Variants in CNTRL observed in about 807,000 individuals in gnomAD.
The protein encoded by CNTRL is 110 kDa centrosomal protein.
A neutral mutation model predicts 303.7 loss-of-function variants in CNTRL; 233 were observed. The observed-to-expected ratio is 0.77, with a 90% confidence interval of 0.69 to 0.86. The LOEUF (loss-of-function observed/expected upper bound fraction) is 0.86, where lower values mean the gene tolerates loss of function less well. Ranked by LOEUF, CNTRL falls within the 40% of genes least tolerant of loss-of-function variation. The pLI is 0.00. For synonymous variants in CNTRL, 900 were observed against 922.2 expected (o/e 0.98, Z 0.44); for missense variants, 2,524 against 2,650.6 (o/e 0.95, Z 1.05).
Position 121,113,612 on chromosome 9 carries a change from A to G in CNTRL, c.1233A>G (p.Val411=). The change falls in exon 10 of 44, where the codon GTA becomes GTG. Residue 411 remains valine, a synonymous_variant. Coordinates refer to ENST00000373855, the MANE Select transcript of CNTRL (RefSeq NM_007018.6). ...ATATTATTGACAGTGCTCAGGCAGTACAGATCAAGAAGATGGAGCCAGATG... is the reference window on the plus strand; with the variant it reads ...ATATTATTGACAGTGCTCAGGCAGTGCAGATCAAGAAGATGGAGCCAGATG... ...ESYIIDSAQA[V]QIKKMEPDEQ... 1.2e-6 allele frequency: 2 copies of G among 1,610,790 alleles called. No individual in the cohort carries two copies. The highest frequency in any genetic ancestry group is 8.5e-7 in the Non-Finnish European group (1 of 1,178,834).
intron 2 of CNTRL, among the ~76,000 whole-genome samples, chr9:121,083,372 A>G (rs188510416): frequency 1.3e-5 from 2 of 152,266 alleles, no homozygotes; most frequent in South Asian, 2.1e-4. Context: ...TTTCTATTTT[A>G]AAAACTTTTT....
In CNTRL at chr9:121,169,693, G is replaced by T; in HGVS notation, c.6153G>T (p.Met2051Ile). The change falls in exon 39 of 44, where the codon ATG (methionine) becomes ATT (isoleucine). Residue 2051 changes from methionine (M) to isoleucine (I), a missense_variant. Transcript: ENST00000373855. ...LLALQKEADS[M>I]RADFSLLRNQ... is the part of the protein sequence containing the mutation. ...CCCTCCAGAAAGAGGCAGATTCTAT[G>T]AGGGCAGACTTCAGCCTTCTGCGGA... 6.2e-7 allele frequency: 1 copy of T among 1,614,188 alleles called. No homozygotes were observed. The highest frequency in any genetic ancestry group is 1.1e-5 in the South Asian group (1 of 91,082).
At chr9:121,078,970 T>C (rs2048036060) in intron 1 of CNTRL, among the ~76,000 whole-genome samples, 1 of 152,170 alleles carries the variant, frequency 6.6e-6, no homozygotes, top group Admixed American at 6.5e-5. Flanking sequence ...CTTCATTATG[T>C]AGGCCTGATT....
In CNTRL at chr9:121,175,083, G is replaced by A; in HGVS notation, c.6813G>A (p.Glu2271=). The change falls in exon 43 of 44, where the codon GAG becomes GAA. Residue 2271 remains glutamate, a synonymous_variant. Transcript: ENST00000373855. ...TAATTAAAGGAAAGCGGCAGACAGAGGGCACTTTACACAGTTTGAGGAGAC... is the reference window on the plus strand; with the variant it reads ...TAATTAAAGGAAAGCGGCAGACAGAAGGCACTTTACACAGTTTGAGGAGAC... ...EVLIKGKRQT[E]GTLHSLRRQV... 6.2e-7 allele frequency: 1 copy of A among 1,613,954 alleles called. No homozygotes were observed. Among genetic ancestry groups the A allele is most frequent in the Non-Finnish European group, 8.5e-7 (1 of 1,179,984 alleles).
At chr9:121,159,791 A>G (rs974411615) in intron 31 of CNTRL, among the ~76,000 whole-genome samples, 4 of 152,040 alleles carry the variant, frequency 2.6e-5, no homozygotes, top group African/African-American at 9.7e-5. Context: ...CTAGGGCATG[A>G]AGGCCTAGCC....
intron 6 of CNTRL, 74 bp from the exon 7 acceptor site, chr9:121,098,312 G>A: frequency 8.6e-7 from 1 of 1,157,322 alleles, no homozygotes; most frequent in Non-Finnish European, 1.2e-6. Flanking sequence ...AAATTTCCTT[G>A]ATTTGTAACT....
At position 121,168,404 on chromosome 9, in the gene CNTRL, C is replaced by T. The variant is rs1365750813; in HGVS notation, c.6070+83C>T. The T allele has an allele frequency of 1.5e-5, 18 of 1,224,046 alleles. No individual in the cohort carries two copies. In the East Asian group the frequency reaches 1.7e-4, roughly 11 times the overall value. The allele number at this position is 1,224,046 out of a possible 1,614,324, so 75.8% of individuals were successfully genotyped here. On this transcript the variant is annotated intron_variant, in intron 38 of 43. Transcript: ENST00000373855. ...TCTTGCAAAAGTATTTAAAGAGATC[C>T]GGACCCCAGCCAGAGCCCAGGAGAG...
Position 121,138,699 on chromosome 9 carries a change from G to C in CNTRL, c.2337+20G>C. 6.2e-7 allele frequency: 1 copy of C among 1,612,140 alleles called. No individual in the cohort carries two copies. ...TTGCAGGTAGAGATTTGTTGTTTTA[G>C]AATACATTCTTACACAGAACACCCA... On this transcript the variant is annotated intron_variant, in intron 16 of 43. Coordinates refer to ENST00000373855, the MANE Select transcript of CNTRL (RefSeq NM_007018.6).
In CNTRL at chr9:121,109,567, C is replaced by A. The variant is rs567830086; in HGVS notation, c.1002+1572C>A. Among the ~76,000 whole-genome samples, 4 of 124,738 alleles carry A rather than the reference C, an allele frequency of 3.2e-5. No individual in the cohort carries two copies. The South Asian group carries it at 1.6e-3, about 50-fold the overall frequency. The allele number at this position is 124,738 out of a possible 152,430, so 81.8% of individuals were successfully genotyped here. A position where few individuals can be genotyped will look rare whatever the true frequency, so the allele number is the denominator to read the frequency against. On this transcript the variant is annotated intron_variant, in intron 8 of 43. Transcript: ENST00000373855. Reference sequence around the variant, plus strand: ...ATTTTTGCTATTAGAGACAGTACTACAGAGAAAATCTGTGTGTGTGTGTGT... The same window carrying A: ...ATTTTTGCTATTAGAGACAGTACTAAAGAGAAAATCTGTGTGTGTGTGTGT...
At chr9:121,134,825 C>T (rs913115037) in intron 14 of CNTRL, among the ~76,000 whole-genome samples, 1 of 152,192 alleles carries the variant, frequency 6.6e-6, no homozygotes, top group African/African-American at 2.4e-5. Context: ...AGAGGCTGAT[C>T]ACCTTTCATT....
intron 16 of CNTRL, among the ~76,000 whole-genome samples, chr9:121,139,968 T>C (rs143641869): frequency 1.2e-4 from 19 of 152,344 alleles, no homozygotes; most frequent in Admixed American, 1.2e-3. Context: ...GATTCTTTGA[T>C]TACTTGGCCA....
intron 7 of CNTRL, among the ~76,000 whole-genome samples, chr9:121,105,472 G>A (rs2049421647): frequency 1.3e-5 from 2 of 152,188 alleles, no homozygotes; most frequent in Non-Finnish European, 2.9e-5. Flanking sequence ...AGTCAGAAAT[G>A]TGAGTCTGGA....
chr9:121,114,567 C>T (rs1267834138), intron 10 of CNTRL, among the ~76,000 whole-genome samples: 2 of 152,080 alleles, frequency 1.3e-5, no homozygotes, highest in East Asian at 3.9e-4. Flanking sequence ...AAGGGGCTGG[C>T]TCATAGTTTT....
intron 7 of CNTRL, among the ~76,000 whole-genome samples, chr9:121,099,755 G>C (rs2049056876): frequency 6.6e-6 from 1 of 152,112 alleles, no homozygotes; most frequent in Admixed American, 6.5e-5. Context: ...AGAACTACGT[G>C]ACACATGCAC....
rs376506159 is a variant in CNTRL, at chr9:121,098,379, A to G, written c.622-7A>G. On this transcript the variant is annotated splice_polypyrimidine_tract_variant and splice_region_variant and intron_variant, in intron 6 of 43. Transcript: ENST00000373855. ...ATTATACCAATACTAATGTTATATC[A>G]TTTCAGCTCCAAGATATAAGCAAGT... 2.0e-5 allele frequency: 31 copies of G among 1,573,198 alleles called. No individual in the cohort carries two copies. In the African/African-American group the frequency reaches 3.2e-4, roughly 16 times the overall value.
Position 121,154,839 on chromosome 9 carries a change from C to T in CNTRL, c.4291C>T (p.Arg1431Cys), listed in dbSNP as rs1339612405. The T allele has an allele frequency of 8.7e-6, 14 of 1,614,080 alleles. No homozygotes were observed. The East Asian group carries it at 1.1e-4, about 13-fold the overall frequency. ...GTGCATTGAGAAGACTCTTCTGAAACGTCGCTCAGAGCTCAGGGAAGCTGA... is the reference window on the plus strand; with the variant it reads ...GTGCATTGAGAAGACTCTTCTGAAATGTCGCTCAGAGCTCAGGGAAGCTGA... ...IECIEKTLLK[R>C]RSELREADRL... Residue 1431 changes from arginine to cysteine, a missense_variant, in exon 27 of 44, where the codon CGT becomes TGT. Arg to Cys is a radical substitution (Grantham distance 180). Transcript: ENST00000373855.
chr9:121,124,939 T>G lies in CNTRL; in HGVS notation c.1805-777T>G, dbSNP rs1386046996. On this transcript the variant is annotated intron_variant, in intron 13 of 43. Coordinates refer to ENST00000373855, the MANE Select transcript of CNTRL (RefSeq NM_007018.6). ...CAGCCTAGGTGACAGAGTGAAACTT[T>G]GTCTGAAAAAAAAAAAAAAAGAGAG... Among the ~76,000 whole-genome samples, 8 of 91,472 alleles carry G rather than the reference T, an allele frequency of 8.7e-5. 2 individuals are homozygous for G. The South Asian group carries it at 6.0e-3, about 69-fold the overall frequency. The allele number at this position is 91,472 out of a possible 152,430, so 60.0% of individuals were successfully genotyped here. A position where few individuals can be genotyped will look rare whatever the true frequency, so the allele number is the denominator to read the frequency against.
chr9:121,173,631 A>T (rs1481157002), intron 41 of CNTRL, 44 bp from the exon 42 acceptor site: 1 of 1,611,708 alleles, frequency 6.2e-7, no homozygotes, highest in African/African-American at 1.3e-5. Flanking sequence ...TTCCATTTGT[A>T]GCAGCAGATG....
intron 12 of CNTRL, chr9:121,122,438 C>T (rs2050282263): frequency 4.1e-6 from 4 of 970,662 alleles, no homozygotes; most frequent in Non-Finnish European, 4.9e-6. Context: ...TAAGCAAATA[C>T]ATAAAATTGA....
Sources: gnomAD v4.1 joint callset for allele counts (sites outside exome capture counted in the v4.1 genomes callset) on GRCh38, gnomAD v4.1.1 for gene constraint, MANE v1.5 for transcripts, NCBI Gene and HGNC (gene_info 2026-07-23, HGNC 2026-07-21) for gene names.